The following PLXNA4 variants were observed in gnomAD, a reference collection of about 807,000 sequenced individuals.
The protein encoded by PLXNA4 is plexin A4, also known as plexin-A4.
A neutral mutation model predicts 191.8 loss-of-function variants in PLXNA4; 44 were observed. The observed-to-expected ratio is 0.23, with a 90% CI of 0.18 to 0.29. PLXNA4 has a LOEUF of 0.29. PLXNA4 is among the 10% of genes least tolerant of loss of function. PLXNA4 has a pLI of 1.00. For synonymous variants in PLXNA4, 1,082 were observed against 1,009.5 expected, an observed-to-expected ratio of 1.07 and a Z score of -1.36; for missense variants, 1,800 against 2,488.8, an observed-to-expected ratio of 0.72 and a Z score of 5.89.
intron 4 of PLXNA4, among the ~76,000 whole-genome samples, chr7:132,287,677 G>A (rs982575711): frequency 1.3e-5 from 2 of 152,130 alleles, no homozygotes; most frequent in African/African-American, 4.8e-5. Flanking sequence ...AGAGACTTTT[G>A]CCTACACCAG....
chr7:132,549,535 ATTTTT>A (rs1800462022), intron 1 of PLXNA4, among the ~76,000 whole-genome samples: 1 of 152,148 alleles, frequency 6.6e-6, no homozygotes, highest in East Asian at 1.9e-4. Context: ...CCCTCCCAAG[ATTTTT>A]GAAAGCTGGA....
chr7:132,585,022 C>T (rs755950971), intron 2 of PLXNA4, among the ~76,000 whole-genome samples: 24 of 152,170 alleles, frequency 1.6e-4, no homozygotes, highest in African/African-American at 4.8e-4. Flanking sequence ...GTGAAGGTCA[C>T]GCAGCAGCCT....
intron 16 of PLXNA4, among the ~76,000 whole-genome samples, chr7:132,184,755 A>G (rs914017971): frequency 2.0e-5 from 3 of 152,216 alleles, no homozygotes; most frequent in Non-Finnish European, 4.4e-5. Context: ...GGCAGGAACA[A>G]GACCTAAACT....
chr7:132,132,804 GAC>G (rs1795008075), intron 31 of PLXNA4, among the ~76,000 whole-genome samples: 2 of 152,202 alleles, frequency 1.3e-5, no homozygotes, highest in African/African-American at 4.8e-5. Flanking sequence ...AATTAAAAAA[GAC>G]AATATAAAAG....
chr7:132,285,876 T>C (rs920700167), intron 4 of PLXNA4, among the ~76,000 whole-genome samples: 5 of 152,124 alleles, frequency 3.3e-5, no homozygotes, highest in Non-Finnish European at 7.4e-5. Context: ...TGAGTCAACT[T>C]CTACCAACAC....
chr7:132,533,802 C>A (rs998412343), intron 1 of PLXNA4, among the ~76,000 whole-genome samples: 6 of 152,138 alleles, frequency 3.9e-5, no homozygotes, highest in Non-Finnish European at 8.8e-5. Context: ...CCCACACTAA[C>A]CCACCTCCTT....
At chr7:132,340,223 G>A (rs1802973585) in intron 3 of PLXNA4, among the ~76,000 whole-genome samples, 1 of 152,174 alleles carries the variant, frequency 6.6e-6, no homozygotes, top group South Asian at 2.1e-4. Context: ...AGGGTCTAAG[G>A]AAAATTGTAC....
chr7:132,331,842 C>T (rs1380244005), intron 3 of PLXNA4, among the ~76,000 whole-genome samples: 1 of 151,926 alleles, frequency 6.6e-6, no homozygotes, highest in African/African-American at 2.4e-5. Context: ...ATTCTTGGTC[C>T]CATCCTCCCC....
chr7:132,535,920 A>G (rs148934617), intron 1 of PLXNA4, among the ~76,000 whole-genome samples: 5 of 152,304 alleles, frequency 3.3e-5, no homozygotes, highest in African/African-American at 9.6e-5. Context: ...AGACAGAGGG[A>G]AAAACTGGGG....
chr7:132,321,156 C>T (rs1026598897), intron 3 of PLXNA4, among the ~76,000 whole-genome samples: 6 of 152,156 alleles, frequency 3.9e-5, no homozygotes, highest in African/African-American at 1.2e-4. Context: ...CACCCCCTCG[C>T]GCTTACTTGC....
At chr7:132,313,604 C>T (rs1012753943) in intron 3 of PLXNA4, among the ~76,000 whole-genome samples, 10 of 151,970 alleles carry the variant, frequency 6.6e-5, no homozygotes, top group African/African-American at 2.2e-4. Context: ...AGAAGAAGTG[C>T]GGGTCTGAGA....
intron 9 of PLXNA4, among the ~76,000 whole-genome samples, chr7:132,214,944 G>C (rs532292553): frequency 3.3e-5 from 5 of 152,088 alleles, no homozygotes; most frequent in Non-Finnish European, 7.4e-5. Context: ...TCTGGTCCGG[G>C]GTGAGTGGAC....
intron 2 of PLXNA4, among the ~76,000 whole-genome samples, chr7:132,623,219 G>A (rs1181530120): frequency 2.6e-5 from 4 of 152,004 alleles, no homozygotes; most frequent in Non-Finnish European, 4.4e-5. Flanking sequence ...GGCAGCACGT[G>A]CCTGTAATCC....
At position 132,232,060 on chromosome 7, in the gene PLXNA4, C is replaced by T. The variant is rs554607998; in HGVS notation, c.1605-3591G>A. 3.5e-4 allele frequency among the ~76,000 whole-genome samples: 53 copies of T among 152,192 alleles called. No homozygotes were observed. The South Asian group carries it at 9.6e-3, about 27-fold the overall frequency. On this transcript the variant is annotated intron_variant, in intron 5 of 31. Transcript: ENST00000321063. ...TTAAATGTGATAGGATAATGGAAGG[C>T]GAGGCACGAATTCCTGCTGGTTTCT...
At position 132,123,616 on chromosome 7, in the gene PLXNA4, T is replaced by A. The variant is rs1018380396; in HGVS notation, c.*6863A>T. On this transcript the variant is annotated 3_prime_UTR_variant, in exon 32 of 32. Transcript: ENST00000321063. Reference sequence around the variant, plus strand: ...GAAGACCCTCTTCTTAGAGATCTCATCCACATACATTTGAGGCTCATTTTA... The same window carrying A: ...GAAGACCCTCTTCTTAGAGATCTCAACCACATACATTTGAGGCTCATTTTA... 6.6e-6 allele frequency: 1 copy of A among 152,184 alleles called. No homozygotes were observed. The highest frequency in any genetic ancestry group is 2.4e-5 in the African/African-American group (1 of 41,448). The allele number at this position is 152,184 out of a possible 1,614,324, so 9.4% of individuals were successfully genotyped here.
intron 3 of PLXNA4, among the ~76,000 whole-genome samples, chr7:132,417,035 C>T (rs1794684573): frequency 6.6e-6 from 1 of 152,142 alleles, no homozygotes; most frequent in South Asian, 2.1e-4. Flanking sequence ...ATAAGTCCTG[C>T]AACGGAATGT....
At chr7:132,513,526 G>C (rs973849929) in intron 1 of PLXNA4, among the ~76,000 whole-genome samples, 2 of 152,172 alleles carry the variant, frequency 1.3e-5, no homozygotes, top group African/African-American at 4.8e-5. Context: ...TGGCCCCTTG[G>C]ACAGAGTCCT....
At chr7:132,426,646 G>A (rs1161772670) in intron 3 of PLXNA4, among the ~76,000 whole-genome samples, 2 of 152,292 alleles carry the variant, frequency 1.3e-5, no homozygotes, top group South Asian at 2.1e-4. Context: ...TAGCTTAAGT[G>A]AGAGTCTGGA....
At chr7:132,351,572 T>C (rs1375984363) in intron 3 of PLXNA4, among the ~76,000 whole-genome samples, 1 of 152,184 alleles carries the variant, frequency 6.6e-6, no homozygotes, top group South Asian at 2.1e-4. Context: ...TCCTTTCTCA[T>C]CCAAAGGTGC....
Sources: allele counts gnomAD v4.1 joint callset (sites outside exome capture counted in the v4.1 genomes callset), GRCh38; gene constraint gnomAD v4.1.1; transcripts MANE v1.5; gene names NCBI Gene and HGNC (gene_info 2026-07-23, HGNC 2026-07-21).